Variants in NRIP1 observed in about 807,000 individuals in gnomAD.
NRIP1 encodes nuclear receptor-interacting protein 1.
Under a neutral mutation model 75.0 loss-of-function variants are expected in NRIP1, and 28 were observed. The observed-to-expected ratio is 0.37, with a 90% confidence interval of 0.28 to 0.51. NRIP1 has a LOEUF of 0.51. Ranked by LOEUF, NRIP1 falls within the 20% of genes least tolerant of loss-of-function variation. NRIP1 has a pLI of 0.92. For missense variants in NRIP1, 1,435 were observed against 1,343.7 expected (o/e 1.07, Z -1.06); for synonymous variants, 526 against 487.6 (o/e 1.08, Z -1.04).
intron 2 of NRIP1, among the ~76,000 whole-genome samples, chr21:15,025,460 G>A (rs1219112953): frequency 6.6e-6 from 1 of 152,080 alleles, no homozygotes; most frequent in African/African-American, 2.4e-5. Context: ...ACGGATTACA[G>A]CTCACTGAAT....
intron 3 of NRIP1, among the ~76,000 whole-genome samples, chr21:14,969,735 A>G (rs1218158646): frequency 6.6e-6 from 1 of 152,242 alleles, no homozygotes; most frequent in African/African-American, 2.4e-5. Context: ...CTTTTTAAGT[A>G]CAATGCTTAA....
chr21:15,036,381 A>T (rs73172395), intron 2 of NRIP1, among the ~76,000 whole-genome samples: 5,548 of 152,268 alleles, frequency 0.036, 269 homozygotes, highest in African/African-American at 0.11. Flanking sequence ...TTCTGCTACT[A>T]CTCCGTGTCA....
At chr21:14,984,837 G>A (rs1399240532) in intron 3 of NRIP1, among the ~76,000 whole-genome samples, 1 of 152,172 alleles carries the variant, frequency 6.6e-6, no homozygotes, top group Non-Finnish European at 1.5e-5. Flanking sequence ...TCTACCAGAA[G>A]AAAGATTATA....
chr21:15,044,123 A>C (rs191142393), intron 1 of NRIP1, among the ~76,000 whole-genome samples: 1 of 151,884 alleles, frequency 6.6e-6, no homozygotes, highest in Non-Finnish European at 1.5e-5. Flanking sequence ...CCGGCCCACT[A>C]CTCATCTGTT....
intron 2 of NRIP1, among the ~76,000 whole-genome samples, chr21:15,037,344 G>A (rs758625934): frequency 1.1e-4 from 16 of 152,040 alleles, no homozygotes; most frequent in African/African-American, 1.7e-4. Context: ...TTTTTTGATC[G>A]TTTCTAAGCT....
intron 1 of NRIP1, among the ~76,000 whole-genome samples, chr21:15,062,257 C>T (rs926313216): frequency 6.6e-6 from 1 of 152,234 alleles, no homozygotes; most frequent in African/African-American, 2.4e-5. Flanking sequence ...AACAGATTAT[C>T]ACTTTAATTC....
In NRIP1 at chr21:15,018,828, T is replaced by C. The variant is rs887341931; in HGVS notation, c.-457-4362A>G. 3.3e-5 allele frequency among the ~76,000 whole-genome samples: 5 copies of C among 152,056 alleles called. 1 individual carries two copies. Among genetic ancestry groups the C allele is most frequent in the Admixed American group, 3.3e-4 (5 of 15,262 alleles). ...AAAATAGGCTGCATAAACATTACAA[T>C]GAGAAAAAATATGGCTAGAACTTCC... On this transcript the variant is annotated intron_variant, in intron 2 of 3. Transcript: ENST00000318948.
At chr21:14,970,030 C>T (rs1054326385) in intron 3 of NRIP1, among the ~76,000 whole-genome samples, 1 of 152,174 alleles carries the variant, frequency 6.6e-6, no homozygotes, top group South Asian at 2.1e-4. Flanking sequence ...TCCATTCTCC[C>T]ATTTTCATTT....
At chr21:15,024,340 C>T (rs1452706201) in intron 2 of NRIP1, among the ~76,000 whole-genome samples, 4 of 152,054 alleles carry the variant, frequency 2.6e-5, no homozygotes, top group Non-Finnish European at 4.4e-5. Flanking sequence ...GTCAGGAGTT[C>T]GAGACCAGCC....
chr21:14,972,406 A>G (rs985541849), intron 3 of NRIP1, among the ~76,000 whole-genome samples: 1 of 152,196 alleles, frequency 6.6e-6, no homozygotes, highest in Non-Finnish European at 1.5e-5. Flanking sequence ...TTAGGGTATT[A>G]AGGTAAAATA....
chr21:15,016,490 T>C (rs2088232578), intron 2 of NRIP1, among the ~76,000 whole-genome samples: 1 of 152,202 alleles, frequency 6.6e-6, no homozygotes. Flanking sequence ...GAAATTCCAG[T>C]AGAATTTAAC....
intron 1 of NRIP1, among the ~76,000 whole-genome samples, chr21:15,059,254 G>C (rs1484868056): frequency 1.3e-5 from 2 of 152,198 alleles, no homozygotes; most frequent in Non-Finnish European, 2.9e-5. Flanking sequence ...TGGAATTTAA[G>C]ACACATGGGG....
intron 3 of NRIP1, among the ~76,000 whole-genome samples, chr21:14,978,170 C>T (rs953631270): frequency 1.3e-5 from 2 of 152,136 alleles, no homozygotes; most frequent in African/African-American, 2.4e-5. Flanking sequence ...GACACTCCTG[C>T]GGGAGTAACT....
rs575735059 is a variant in NRIP1 at position 15,014,424 on chromosome 21, C to T, written c.-415G>A. ...GTTGAAAAGTAGCTCTGATGTCATC[C>T]GGAGTCTTCAGATTCCCTGTCCTCC... On this transcript the variant is annotated 5_prime_UTR_variant, in exon 3 of 4. Transcript: ENST00000318948. 2.3e-5 allele frequency: 9 copies of T among 398,396 alleles called. No homozygotes were observed. Among genetic ancestry groups the T allele is most frequent in the Admixed American group, 8.8e-5 (2 of 22,726 alleles). The allele number at this position is 398,396 out of a possible 1,614,324, so 24.7% of individuals were successfully genotyped here.
At chr21:15,062,151 C>T (rs6517199) in intron 1 of NRIP1, among the ~76,000 whole-genome samples, 118,240 of 152,218 alleles carry the variant, frequency 0.78, 46,620 homozygotes, top group East Asian at 0.97. Flanking sequence ...ACATTACTTC[C>T]TCCATGGACA....
intron 3 of NRIP1, among the ~76,000 whole-genome samples, chr21:14,993,808 A>G (rs1244380711): frequency 4.6e-5 from 7 of 152,078 alleles, no homozygotes; most frequent in Admixed American, 2.0e-4. Context: ...CAGTGTATAT[A>G]CAACGTCCAA....
Position 15,035,579 on chromosome 21 carries a change from C to T in NRIP1, c.-458+7916G>A, listed in dbSNP as rs971531185. ...GACTTTTTTTTTTTTTTTTTTGAGACAGAGTCTCGCTCTGTTGCCCAGGCT... is the reference window on the plus strand; with the variant it reads ...GACTTTTTTTTTTTTTTTTTTGAGATAGAGTCTCGCTCTGTTGCCCAGGCT... On this transcript the variant is annotated intron_variant, in intron 2 of 3. Coordinates refer to ENST00000318948, the MANE Select transcript of NRIP1 (RefSeq NM_003489.4). Among the ~76,000 whole-genome samples, 168 of 134,772 alleles carry T rather than the reference C, an allele frequency of 1.2e-3. 1 individual carries two copies. Among genetic ancestry groups the T allele is most frequent in the African/African-American group, 4.7e-3 (165 of 35,056 alleles). 88.4% of individuals were successfully genotyped at this position (134,772 alleles called of 152,430 possible).
chr21:15,042,794 T>G (rs1372259873), intron 2 of NRIP1, among the ~76,000 whole-genome samples: 1 of 152,182 alleles, frequency 6.6e-6, no homozygotes, highest in African/African-American at 2.4e-5. Context: ...TCTATGGTAT[T>G]TGTTACAGCA....
chr21:15,055,100 T>TGGCACATTATCACCACTGGTCCAC (rs1211644253), intron 1 of NRIP1, among the ~76,000 whole-genome samples: 2 of 152,224 alleles, frequency 1.3e-5, no homozygotes, highest in Non-Finnish European at 2.9e-5. Context: ...ACTTGGTTCA[T>TGGCACATTATCACCACTGGTCCAC]GGCACATTAT....
Sources: allele counts gnomAD v4.1 joint callset (sites outside exome capture counted in the v4.1 genomes callset), GRCh38; gene constraint gnomAD v4.1.1; transcripts MANE v1.5; gene names NCBI Gene and HGNC (gene_info 2026-07-23, HGNC 2026-07-21).